ZNF652: variants seen among roughly 807,000 people sequenced by gnomAD.
ZNF652 encodes the protein zinc finger protein 652.
In ZNF652, 16 loss-of-function variants were observed where a neutral mutation model predicts 45.2. The observed-to-expected ratio is 0.35, with a 90% CI of 0.24 to 0.54. The LOEUF is 0.54. ZNF652 is among the 20% of genes least tolerant of loss of function. ZNF652 has a pLI of 0.91. For missense variants in ZNF652, 614 were observed against 765.6 expected (o/e 0.80, Z 2.34); for synonymous variants, 250 against 260.6 (o/e 0.96, Z 0.39).
At chr17:49,356,062 C>T (rs1463434884) in intron 1 of ZNF652, among the ~76,000 whole-genome samples, 2 of 152,040 alleles carry the variant, frequency 1.3e-5, no homozygotes, top group Non-Finnish European at 2.9e-5. Flanking sequence ...CAAGCTAGGT[C>T]TTTGAGAATG....
At chr17:49,327,772 TA>T (rs2069979071) in intron 1 of ZNF652, among the ~76,000 whole-genome samples, 25 of 3,282 alleles carry the variant, frequency 7.6e-3, no homozygotes, top group Admixed American at 0.015. Context: ...TATATATATA[TA>T]TATATATTTT....
intron 1 of ZNF652, among the ~76,000 whole-genome samples, chr17:49,346,873 T>G (rs1387277271): frequency 6.6e-6 from 1 of 152,216 alleles, no homozygotes; most frequent in Non-Finnish European, 1.5e-5. Flanking sequence ...GAGAACATAT[T>G]ATGGTTTCTA....
In ZNF652 at chr17:49,291,926, A is replaced by T. The variant is rs1000696987; in HGVS notation, c.*6487T>A. Among the ~76,000 whole-genome samples, 1 of 152,164 alleles carries T rather than the reference A, an allele frequency of 6.6e-6. No individual in the cohort carries two copies. Among genetic ancestry groups the T allele is most frequent in the Non-Finnish European group, 1.5e-5 (1 of 68,026 alleles). Reference sequence around the variant, plus strand: ...GCAGTGAAGCCTTCAAAAATCTTGAATTTATTCATCATCAAACATAACCAA... The same window carrying T: ...GCAGTGAAGCCTTCAAAAATCTTGATTTTATTCATCATCAAACATAACCAA... On this transcript the variant is annotated 3_prime_UTR_variant, in exon 6 of 6. Transcript: ENST00000430262.
intron 3 of ZNF652, 108 bp from the exon 4 acceptor site, chr17:49,312,150 T>C (rs562545883): frequency 1.9e-6 from 1 of 528,482 alleles, no homozygotes; most frequent in African/African-American, 2.0e-5. Flanking sequence ...TCTACACTGA[T>C]TTGTGAGGCT....
chr17:49,295,950 A>AAAAAC lies in ZNF652; in HGVS notation c.*2462_*2463insGTTTT. 2.3e-5 allele frequency: 3 copies of AAAAAC among 129,958 alleles called. No individual in the cohort carries two copies. The highest frequency in any genetic ancestry group is 8.7e-5 in the African/African-American group (3 of 34,438). 8.1% of individuals were successfully genotyped at this position (129,958 alleles called of 1,614,324 possible). ...AAGACTCTGCCTCAAAAAAAAAAAA[A>AAAAAC]AAAAAAAAAAAAAAACAGAACAAAA... On this transcript the variant is annotated 3_prime_UTR_variant, in exon 6 of 6. Coordinates refer to ENST00000430262, the MANE Select transcript of ZNF652 (RefSeq NM_001145365.3).
intron 1 of ZNF652, among the ~76,000 whole-genome samples, chr17:49,320,778 G>C (rs772535674): frequency 1.4e-4 from 22 of 152,180 alleles, no homozygotes; most frequent in Admixed American, 2.0e-4. Context: ...AAATCAGAAA[G>C]TCAAAGAAAA....
At chr17:49,351,023 A>ATG (rs1567700340) in intron 1 of ZNF652, among the ~76,000 whole-genome samples, 44 of 81,746 alleles carry the variant, frequency 5.4e-4, no homozygotes, top group Non-Finnish European at 7.6e-4. Context: ...ATACACACAC[A>ATG]CACACACACA....
At chr17:49,352,412 C>A (rs1268493568) in intron 1 of ZNF652, among the ~76,000 whole-genome samples, 1 of 152,164 alleles carries the variant, frequency 6.6e-6, no homozygotes, top group East Asian at 1.9e-4. Flanking sequence ...TCCTCTAAGT[C>A]AGCAGCTAGC....
chr17:49,327,767 ATATATATATATATTT>A (rs1359280102), intron 1 of ZNF652, among the ~76,000 whole-genome samples: 10 of 4,894 alleles, frequency 2.0e-3, no homozygotes, highest in South Asian at 8.0e-3. Flanking sequence ...ATATATATAT[ATATATATATATATTT>A]TTTTTTTTTT....
intron 1 of ZNF652, among the ~76,000 whole-genome samples, chr17:49,361,451 T>C (rs916313819): frequency 2.0e-5 from 3 of 151,990 alleles, no homozygotes; most frequent in Non-Finnish European, 2.9e-5. Flanking sequence ...TTTTATCTAC[T>C]GGCGGCACAA....
At chr17:49,305,293 A>T (rs2069613565) in intron 5 of ZNF652, among the ~76,000 whole-genome samples, 1 of 152,114 alleles carries the variant, frequency 6.6e-6, no homozygotes, top group Admixed American at 6.6e-5. Flanking sequence ...CTATCACTTT[A>T]ATCTCATTCG....
chr17:49,342,043 G>C (rs899248678), intron 1 of ZNF652, among the ~76,000 whole-genome samples: 1 of 152,020 alleles, frequency 6.6e-6, no homozygotes, highest in African/African-American at 2.4e-5. Flanking sequence ...AAAATTAGCC[G>C]GGCATGGTGG....
chr17:49,335,001 G>C (rs1379676503), intron 1 of ZNF652, among the ~76,000 whole-genome samples: 1 of 152,004 alleles, frequency 6.6e-6, no homozygotes, highest in East Asian at 1.9e-4. Context: ...ATGGGCTCCA[G>C]GTTTCTTTTG....
intron 1 of ZNF652, among the ~76,000 whole-genome samples, chr17:49,355,861 T>C (rs1169571822): frequency 6.6e-6 from 1 of 151,678 alleles, no homozygotes; most frequent in East Asian, 2.0e-4. Context: ...TTGCACCATT[T>C]GTACTGAAGC....
intron 1 of ZNF652, among the ~76,000 whole-genome samples, chr17:49,326,320 A>T (rs1342029108): frequency 6.6e-6 from 1 of 151,986 alleles, no homozygotes; most frequent in Non-Finnish European, 1.5e-5. Flanking sequence ...CTGACAGGAG[A>T]CAAGCAAAAA....
At chr17:49,305,364 T>C (rs1461391543) in intron 5 of ZNF652, among the ~76,000 whole-genome samples, 1 of 152,142 alleles carries the variant, frequency 6.6e-6, no homozygotes, top group Non-Finnish European at 1.5e-5. Flanking sequence ...GGAGAATCGC[T>C]TGAACCTGGG....
chr17:49,313,931 C>CA (rs987087083), intron 2 of ZNF652, among the ~76,000 whole-genome samples: 1 of 112,122 alleles, frequency 8.9e-6, no homozygotes, highest in African/African-American at 3.5e-5. Context: ...GAGATCGTGC[C>CA]ATTGCACTCC....
chr17:49,327,774 TATATA>T (rs1315759161), intron 1 of ZNF652, among the ~76,000 whole-genome samples: 67 of 2,590 alleles, frequency 0.026, no homozygotes, highest in Admixed American at 0.044. Flanking sequence ...TATATATATA[TATATA>T]TTTTTTTTTT....
rs1259690646 is a variant in ZNF652, at chr17:49,298,138, C to T, written c.*275G>A. 2 of 449,234 alleles carry T rather than the reference C, an allele frequency of 4.5e-6. No homozygotes were observed. Among genetic ancestry groups the T allele is most frequent in the African/African-American group, 4.0e-5 (2 of 49,904 alleles). 27.8% of individuals were successfully genotyped at this position (449,234 alleles called of 1,614,324 possible). A position where few individuals can be genotyped will look rare whatever the true frequency, so the allele number is the denominator to read the frequency against. The stretch of plus-strand genomic sequence containing the variant: ...GCTGATATGAAATTATAAAATTCCA[C>T]AAGTCTGAGTATTTGAAACTTATAA... On this transcript the variant is annotated 3_prime_UTR_variant, in exon 6 of 6. Coordinates refer to ENST00000430262, the MANE Select transcript of ZNF652 (RefSeq NM_001145365.3).
Sources: allele counts gnomAD v4.1 joint callset (sites outside exome capture counted in the v4.1 genomes callset), GRCh38; gene constraint gnomAD v4.1.1; transcripts MANE v1.5; gene names NCBI Gene and HGNC (gene_info 2026-07-23, HGNC 2026-07-21).